MCM10: variants seen among roughly 807,000 people sequenced by gnomAD.
MCM10 encodes the protein minichromosome maintenance 10 replication initiation factor.
A neutral mutation model predicts 109.9 loss-of-function variants in MCM10; 91 were observed. The observed-to-expected ratio is 0.83, with a 90% CI of 0.70 to 0.99. MCM10 has a LOEUF of 0.99. Among genes scored for constraint, MCM10 ranks in the 50% least tolerant of loss-of-function variants. MCM10 has a pLI of 0.00. For synonymous variants in MCM10, 380 were observed against 387.2 expected (o/e 0.98, Z 0.22); for missense variants, 1,077 against 1,061.2 (o/e 1.01, Z -0.21).
chr10:13,208,277 C>G (rs568901438), intron 18 of MCM10, among the ~76,000 whole-genome samples: 2 of 152,110 alleles, frequency 1.3e-5, no homozygotes, highest in South Asian at 2.1e-4. Context: ...CCCAGCTACT[C>G]AAGAGGCTGA....
intron 18 of MCM10, among the ~76,000 whole-genome samples, chr10:13,205,968 G>A (rs1025618126): frequency 1.1e-4 from 16 of 152,174 alleles, no homozygotes; most frequent in African/African-American, 3.9e-4. Flanking sequence ...CCTCCCTGGT[G>A]CAGCATGTTG....
At chr10:13,178,842 T>C (rs1043466950) in intron 6 of MCM10, among the ~76,000 whole-genome samples, 13 of 152,340 alleles carry the variant, frequency 8.5e-5, no homozygotes, top group Admixed American at 4.6e-4. Flanking sequence ...TCCATCAACA[T>C]AGGCTATTTT....
At chr10:13,167,776 C>T (rs550000247) in intron 2 of MCM10, among the ~76,000 whole-genome samples, 127 of 152,276 alleles carry the variant, frequency 8.3e-4, no homozygotes, top group Non-Finnish European at 1.5e-3. Context: ...TGTTGCATGC[C>T]TAATACGTGC....
rs1340190356 is a variant in MCM10, at chr10:13,188,970, A to T, written c.1305A>T (p.Gly435=). The change falls in exon 10 of 20, where the codon GGA becomes GGT. Residue 435 remains glycine, a synonymous_variant. Coordinates refer to ENST00000378714, the MANE Select transcript of MCM10 (RefSeq NM_018518.5). The part of the protein sequence containing the change: ...KRADLQSTFS[G]GRIPKKFARR... ...CGGATCTGCAGTCCACCTTCTCTGG[A>T]GGACGAATTCCAAAGAAGTTTGCCC... 6.2e-7 allele frequency: 1 copy of T among 1,614,116 alleles called. No individual in the cohort carries two copies. Among genetic ancestry groups the T allele is most frequent in the Non-Finnish European group, 8.5e-7 (1 of 1,180,016 alleles).
intron 6 of MCM10, 95 bp from the exon 7 acceptor site, chr10:13,180,347 G>A: frequency 9.6e-7 from 1 of 1,041,272 alleles, no homozygotes; most frequent in East Asian, 2.6e-5. Context: ...GTACTGTAGA[G>A]GTTTCTGACC....
intron 2 of MCM10, among the ~76,000 whole-genome samples, chr10:13,165,376 T>C (rs1833982712): frequency 6.6e-6 from 1 of 152,218 alleles, no homozygotes; most frequent in Admixed American, 6.5e-5. Context: ...TAAGGGGTTA[T>C]TCCTTATGTG....
At position 13,172,510 on chromosome 10, in the gene MCM10, T is replaced by C; in HGVS notation, c.454+30T>C. ...GAAGACTGTCATTCTGGCAATCGTG[T>C]GCATTTATTTTATTAGAAATTATCA... On this transcript the variant is annotated intron_variant, in intron 4 of 19. Coordinates refer to ENST00000378714, the MANE Select transcript of MCM10 (RefSeq NM_018518.5). The surrounding 1 kb of genome is among the most constrained non-coding windows in gnomAD (Gnocchi z 5.2). 1 of 1,606,978 alleles carries C rather than the reference T, an allele frequency of 6.2e-7. No individual in the cohort carries two copies. Among genetic ancestry groups the C allele is most frequent in the East Asian group, 2.2e-5 (1 of 44,854 alleles).
chr10:13,166,558 C>T (rs1421061871), intron 2 of MCM10, among the ~76,000 whole-genome samples: 1 of 150,420 alleles, frequency 6.6e-6, no homozygotes, highest in Non-Finnish European at 1.5e-5. Flanking sequence ...TCACTTGAAC[C>T]TGGGAGGTGA....
intron 18 of MCM10, among the ~76,000 whole-genome samples, chr10:13,208,193 G>T (rs1230338180): frequency 6.6e-6 from 1 of 151,932 alleles, no homozygotes; most frequent in African/African-American, 2.4e-5. Flanking sequence ...AGACCAGCCT[G>T]GGCAACATAG....
At position 13,201,419 on chromosome 10, in the gene MCM10, A is replaced by T; in HGVS notation, c.2239-2A>T. The T allele has an allele frequency of 6.2e-7, 1 of 1,605,820 alleles. No homozygotes were observed. Among genetic ancestry groups the T allele is most frequent in the Non-Finnish European group, 8.5e-7 (1 of 1,174,020 alleles). ...GTCTTTCATTATGCCCTGTCATTCC[A>T]GGCCGAGGCTGAGATGCAGGAGCGC... On this transcript the variant is annotated splice_acceptor_variant, in intron 16 of 19. Coordinates refer to ENST00000378714, the MANE Select transcript of MCM10 (RefSeq NM_018518.5). LOFTEE classifies it high-confidence loss of function.
At chr10:13,183,309 C>G (rs1834233664) in intron 8 of MCM10, among the ~76,000 whole-genome samples, 1 of 152,076 alleles carries the variant, frequency 6.6e-6, no homozygotes, top group African/African-American at 2.4e-5. Flanking sequence ...AATGTAAAAA[C>G]TGGCTGTGAG....
Position 13,182,992 on chromosome 10 carries a change from C to G in MCM10, c.990C>G (p.Ser330=), listed in dbSNP as rs1267152430. The G allele has an allele frequency of 3.1e-6, 5 of 1,613,916 alleles. No homozygotes were observed. Among genetic ancestry groups the G allele is most frequent in the African/African-American group, 1.3e-5 (1 of 74,892 alleles). ...TTCGTGACCTGACACAATGTGTGTC[C>G]TTGTTCTTATTTGGAGAAGTTCACA... The part of the protein sequence containing the change: ...NDLRDLTQCV[S]LFLFGEVHKA... The change falls in exon 8 of 20, where the codon TCC becomes TCG. Residue 330 remains serine, a synonymous_variant. Coordinates refer to ENST00000378714, the MANE Select transcript of MCM10 (RefSeq NM_018518.5). The surrounding 1 kb of genome is among the most constrained non-coding windows in gnomAD (Gnocchi z 4.2).
chr10:13,162,876 G>A lies in MCM10; in HGVS notation c.-75-1252G>A, dbSNP rs1363516754. On this transcript the variant is annotated intron_variant, in intron 1 of 19. Transcript: ENST00000378714. ...GGACGGATCACCAGGTCAGGAGATC[G>A]AGACCATCCTGGCTAATACGGTGAA... Among the ~76,000 whole-genome samples, 8 of 152,080 alleles carry A rather than the reference G, an allele frequency of 5.3e-5. No individual in the cohort carries two copies. The East Asian group carries it at 5.8e-4, about 11-fold the overall frequency.
intron 16 of MCM10, among the ~76,000 whole-genome samples, chr10:13,200,439 C>T (rs978392493): frequency 2.0e-5 from 3 of 152,230 alleles, no homozygotes; most frequent in African/African-American, 7.2e-5. Context: ...AAAATATCCC[C>T]ATTCAGTATC....
intron 2 of MCM10, among the ~76,000 whole-genome samples, chr10:13,166,626 A>C (rs1834000390): frequency 7.7e-6 from 1 of 130,334 alleles, no homozygotes. Flanking sequence ...CAAGAGCAAA[A>C]CTCTGTCTCA....
intron 8 of MCM10, among the ~76,000 whole-genome samples, chr10:13,183,662 G>T (rs1285627434): frequency 6.6e-6 from 1 of 151,520 alleles, no homozygotes; most frequent in African/African-American, 2.4e-5. Flanking sequence ...TTGAACTATT[G>T]TACTCAGGTT....
Position 13,171,273 on chromosome 10 carries a change from C to A in MCM10, c.349+10C>A. The stretch of plus-strand genomic sequence containing the variant: ...AATGAAGAGTTGCAAGGTGCCCTAA[C>A]TACTTGCCTTCCTTATTTCTTTCGG... On this transcript the variant is annotated intron_variant, in intron 3 of 19. Coordinates refer to ENST00000378714, the MANE Select transcript of MCM10 (RefSeq NM_018518.5). 6.3e-7 allele frequency: 1 copy of A among 1,587,990 alleles called. No individual in the cohort carries two copies. Among genetic ancestry groups the A allele is most frequent in the Non-Finnish European group, 8.6e-7 (1 of 1,167,930 alleles).
rs1281112948 is a variant in MCM10 at position 13,180,456 on chromosome 10, C to A, written c.779C>A (p.Ser260Tyr). ...SGLRLRRPRVSSTEMNKKMTG... is the reference protein window; with the variant it reads ...SGLRLRRPRVYSTEMNKKMTG... ...TCTTAACCCAGGCGGCCTCGAGTATCCTCCACAGAAATGAACAAGAAAATG... is the reference window on the plus strand; with the variant it reads ...TCTTAACCCAGGCGGCCTCGAGTATACTCCACAGAAATGAACAAGAAAATG... Residue 260 changes from serine to tyrosine, a missense_variant, in exon 7 of 20, where the codon TCC (serine) becomes TAC (tyrosine). Physicochemically the swap from Ser to Tyr is moderately radical, Grantham distance 144 (BLOSUM62 -2). Transcript: ENST00000378714. 6.2e-7 allele frequency: 1 copy of A among 1,611,934 alleles called. No individual in the cohort carries two copies. Among genetic ancestry groups the A allele is most frequent in the East Asian group, 2.2e-5 (1 of 44,850 alleles).
chr10:13,164,908 A>G (rs1023437934), intron 2 of MCM10, among the ~76,000 whole-genome samples: 8 of 152,240 alleles, frequency 5.3e-5, no homozygotes, highest in African/African-American at 1.9e-4. Context: ...TTAAAAAATT[A>G]AAATGATTGT....
Sources: allele counts gnomAD v4.1 joint callset (sites outside exome capture counted in the v4.1 genomes callset), GRCh38; gene constraint gnomAD v4.1.1; non-coding constraint Gnocchi (gnomAD v3.1); transcripts MANE v1.5; gene names NCBI Gene and HGNC (gene_info 2026-07-23, HGNC 2026-07-21).